The following SAXO1 variants were observed in gnomAD, a reference collection of about 807,000 sequenced individuals.
SAXO1 encodes the protein stabilizer of axonemal microtubules 1.
SAXO1 carries 21 observed loss-of-function variants against 17.5 expected under a neutral mutation model. The ratio of observed to expected loss-of-function variants is 1.20; its 90% confidence interval spans 0.85 to 1.72. The LOEUF (loss-of-function observed/expected upper bound fraction) is 1.72, where lower values mean the gene tolerates loss of function less well. SAXO1 is among the 40% of genes most tolerant of loss of function. SAXO1 has a pLI of 0.00. For missense variants in SAXO1, 843 were observed against 596.0 expected (o/e 1.41, Z -4.32); for synonymous variants, 274 against 216.5 (o/e 1.27, Z -2.33).
At chr9:19,030,213 T>G (rs1835694646) in intron 1 of SAXO1, among the ~76,000 whole-genome samples, 2 of 152,004 alleles carry the variant, frequency 1.3e-5, no homozygotes, top group South Asian at 2.1e-4. Context: ...GCAGGTCCAC[T>G]CAGGGGATGC....
chr9:18,952,845 C>A (rs1006623603), intron 1 of SAXO1, among the ~76,000 whole-genome samples: 1 of 152,144 alleles, frequency 6.6e-6, no homozygotes, highest in African/African-American at 2.4e-5. Context: ...ACTTAGTGTA[C>A]AAAGCTATGT....
chr9:18,932,630 C>T (rs1309803454), intron 3 of SAXO1, among the ~76,000 whole-genome samples: 2 of 152,210 alleles, frequency 1.3e-5, no homozygotes, highest in East Asian at 3.8e-4. Flanking sequence ...TTTGGGACAA[C>T]TTTACCTTAA....
In SAXO1 at chr9:19,004,896, G is replaced by GA. The variant is rs552615159; in HGVS notation, c.38+27974dup. On this transcript the variant is annotated intron_variant, in intron 1 of 3. Transcript: ENST00000380534. ...ATAAAAAGAAATGCAAATTTAACAT[G>GA]AAAAAAATTCTAAAAACTCTTTGAA... 3.0e-3 allele frequency among the ~76,000 whole-genome samples: 459 copies of GA among 152,150 alleles called. 8 individuals are homozygous for GA. The South Asian group carries it at 0.044, about 15-fold the overall frequency.
At chr9:18,977,442 C>T (rs1272819152) in intron 1 of SAXO1, among the ~76,000 whole-genome samples, 1 of 152,174 alleles carries the variant, frequency 6.6e-6, no homozygotes, top group Non-Finnish European at 1.5e-5. Context: ...CTATTATTCT[C>T]ATCTACATAG....
chr9:18,965,195 A>G (rs1043516158), intron 1 of SAXO1, among the ~76,000 whole-genome samples: 11 of 152,270 alleles, frequency 7.2e-5, no homozygotes, highest in South Asian at 4.2e-4. Context: ...CAATTTTAGA[A>G]TAAGTGTGAT....
At position 18,977,993 on chromosome 9, in the gene SAXO1, C is replaced by CA. The variant is rs371914686; in HGVS notation, c.39-27057dup. On this transcript the variant is annotated intron_variant, in intron 1 of 3. Transcript: ENST00000380534. ...CCTGGGTAAGAGAATGAGACCCTGCCAAAAAAAAAAAAAAAAAAAAAAAAA... is the reference window on the plus strand; with the variant it reads ...CCTGGGTAAGAGAATGAGACCCTGCCAAAAAAAAAAAAAAAAAAAAAAAAAA... 6.2e-3 allele frequency among the ~76,000 whole-genome samples: 607 copies of CA among 98,558 alleles called. 18 individuals are homozygous for CA. The highest frequency in any genetic ancestry group is 0.012 in the East Asian group (34 of 2,940). The allele number at this position is 98,558 out of a possible 152,430, so 64.7% of individuals were successfully genotyped here. A position where few individuals can be genotyped will look rare whatever the true frequency, so the allele number is the denominator to read the frequency against.
intron 1 of SAXO1, among the ~76,000 whole-genome samples, chr9:19,002,916 T>C (rs944011702): frequency 6.6e-6 from 1 of 152,080 alleles, no homozygotes; most frequent in African/African-American, 2.4e-5. Flanking sequence ...GAGAAAGAAA[T>C]AAAAGGTATT....
At chr9:19,036,789 TG>T (rs1229687111), upstream of SAXO1, among the ~76,000 whole-genome samples, 1 of 152,190 alleles carries the variant, frequency 6.6e-6, no homozygotes, top group Non-Finnish European at 1.5e-5. Context: ...ATGTCCCTAC[TG>T]GGGCACCACC....
At chr9:19,024,572 A>T (rs557841760) in intron 1 of SAXO1, among the ~76,000 whole-genome samples, 2 of 152,270 alleles carry the variant, frequency 1.3e-5, no homozygotes, top group Admixed American at 6.5e-5. Context: ...GTGCACATGT[A>T]CCCTAAAACT....
chr9:18,977,811 T>C (rs1031628235), intron 1 of SAXO1, among the ~76,000 whole-genome samples: 8 of 152,068 alleles, frequency 5.3e-5, no homozygotes, highest in Non-Finnish European at 7.4e-5. Context: ...CTGGGCAACA[T>C]GGCAAAACCC....
At chr9:19,027,353 G>C (rs544960758) in intron 1 of SAXO1, 2 of 780,888 alleles carry the variant, frequency 2.6e-6, no homozygotes, top group East Asian at 4.9e-5. Context: ...TACGACTCGC[G>C]GGTGAAGGCC....
intron 1 of SAXO1, among the ~76,000 whole-genome samples, chr9:19,043,400 A>G (rs905313083): frequency 4.6e-5 from 7 of 152,136 alleles, no homozygotes; most frequent in Non-Finnish European, 5.9e-5. Context: ...AGAGGCTGGG[A>G]AGGATAACAG....
intron 1 of SAXO1, among the ~76,000 whole-genome samples, chr9:19,026,052 G>C (rs1289851014): frequency 6.6e-6 from 1 of 152,082 alleles, no homozygotes; most frequent in Non-Finnish European, 1.5e-5. Context: ...TAATACAGTA[G>C]GGTGACTATA....
intron 1 of SAXO1, among the ~76,000 whole-genome samples, chr9:18,962,036 G>A (rs1832507547): frequency 6.6e-6 from 1 of 152,050 alleles, no homozygotes. Context: ...GTGTGAGATG[G>A]TATCTCATTG....
intron 2 of SAXO1, among the ~76,000 whole-genome samples, chr9:18,946,832 A>G (rs1831818260): frequency 6.6e-6 from 1 of 152,198 alleles, no homozygotes; most frequent in South Asian, 2.1e-4. Context: ...AATCAAATGC[A>G]AATTCTGAAA....
chr9:18,987,156 A>T (rs999968969), intron 1 of SAXO1, among the ~76,000 whole-genome samples: 1 of 152,216 alleles, frequency 6.6e-6, no homozygotes, highest in Admixed American at 6.5e-5. Context: ...GTGATTAACA[A>T]GGATGTTACT....
chr9:18,985,046 AT>A (rs1833539243), intron 1 of SAXO1, among the ~76,000 whole-genome samples: 1 of 151,958 alleles, frequency 6.6e-6, no homozygotes, highest in African/African-American at 2.4e-5. Context: ...ATTTTCAGAT[AT>A]TTTCAAATAT....
chr9:18,972,784 T>C (rs7040380), intron 1 of SAXO1, among the ~76,000 whole-genome samples: 4,296 of 152,274 alleles, frequency 0.028, 178 homozygotes, highest in African/African-American at 0.086. Context: ...GCTCTTCCTT[T>C]GTCCAGCCCC....
chr9:18,984,537 A>C (rs1267864047), intron 1 of SAXO1, among the ~76,000 whole-genome samples: 1 of 152,166 alleles, frequency 6.6e-6, no homozygotes, highest in Non-Finnish European at 1.5e-5. Flanking sequence ...TTCAACTTGC[A>C]CTTTTATGTT....
Sources: allele counts gnomAD v4.1 joint callset (sites outside exome capture counted in the v4.1 genomes callset), GRCh38; gene constraint gnomAD v4.1.1; transcripts MANE v1.5; gene names NCBI Gene and HGNC (gene_info 2026-07-23, HGNC 2026-07-21).